The following LDB2 variants were observed in gnomAD, a reference collection of about 807,000 sequenced individuals.
The protein encoded by LDB2 is LIM domain binding 2.
LDB2 carries 12 observed loss-of-function variants against 44.3 expected under a neutral mutation model. That is an observed-to-expected ratio of 0.27 (90% CI 0.17 to 0.44). LDB2 has a LOEUF of 0.44. LDB2 is among the 20% of genes least tolerant of loss of function. The pLI, the probability that LDB2 is intolerant of heterozygous loss-of-function variation, is 1.00. For synonymous variants in LDB2, 164 were observed against 174.8 expected (o/e 0.94, Z 0.49); for missense variants, 344 against 473.5 (o/e 0.73, Z 2.54).
chr4:16,841,999 G>A (rs1359178067), intron 1 of LDB2, among the ~76,000 whole-genome samples: 1 of 152,164 alleles, frequency 6.6e-6, no homozygotes, highest in Non-Finnish European at 1.5e-5. Context: ...ATTCATTCTA[G>A]AAGTCTATAA....
At chr4:16,771,588 T>A (rs1019870175) in intron 1 of LDB2, among the ~76,000 whole-genome samples, 3 of 152,158 alleles carry the variant, frequency 2.0e-5, no homozygotes, top group Admixed American at 6.5e-5. Context: ...CTCTTCCATC[T>A]CCATAATATA....
At chr4:16,792,791 T>C (rs1199899421) in intron 1 of LDB2, among the ~76,000 whole-genome samples, 1 of 152,232 alleles carries the variant, frequency 6.6e-6, no homozygotes, top group African/African-American at 2.4e-5. Context: ...TGAAAATTCT[T>C]ACAGGAAGCT....
At chr4:16,516,919 G>A (rs1422585558) in intron 5 of LDB2, among the ~76,000 whole-genome samples, 4 of 152,210 alleles carry the variant, frequency 2.6e-5, no homozygotes, top group Non-Finnish European at 5.9e-5. Context: ...CCTTATTCAT[G>A]TATGCAAATG....
chr4:16,538,628 A>G (rs1234313770), intron 5 of LDB2, among the ~76,000 whole-genome samples: 3 of 152,180 alleles, frequency 2.0e-5, no homozygotes, highest in South Asian at 4.1e-4. Flanking sequence ...GTCAGTCAGT[A>G]TAAACTAGCT....
intron 2 of LDB2, among the ~76,000 whole-genome samples, chr4:16,624,577 G>A (rs1335178546): frequency 2.0e-5 from 3 of 152,070 alleles, no homozygotes; most frequent in East Asian, 3.8e-4. Context: ...ATATAAAAAA[G>A]ACTGAGGCTT....
chr4:16,700,669 T>C (rs1753235452), intron 2 of LDB2, among the ~76,000 whole-genome samples: 3 of 152,216 alleles, frequency 2.0e-5, no homozygotes, highest in Admixed American at 1.3e-4. Context: ...GCCATGGGAT[T>C]CTCTGACCAG....
intron 2 of LDB2, among the ~76,000 whole-genome samples, chr4:16,655,157 C>T (rs547126236): frequency 6.6e-6 from 1 of 152,212 alleles, no homozygotes; most frequent in Non-Finnish European, 1.5e-5. Flanking sequence ...TTAAAAGGGG[C>T]CATTCTGAGC....
chr4:16,743,085 T>A (rs1019130552), intron 2 of LDB2, among the ~76,000 whole-genome samples: 4 of 151,830 alleles, frequency 2.6e-5, no homozygotes, highest in Non-Finnish European at 5.9e-5. Context: ...AGGTCAGGAG[T>A]TCGAGACCAG....
chr4:16,637,069 A>G (rs1057468278), intron 2 of LDB2, among the ~76,000 whole-genome samples: 3 of 152,212 alleles, frequency 2.0e-5, no homozygotes, highest in Admixed American at 1.3e-4. Context: ...ATTTTGCTCT[A>G]GGAAAAACAA....
chr4:16,733,598 A>G (rs1471781308), intron 2 of LDB2, among the ~76,000 whole-genome samples: 1 of 152,214 alleles, frequency 6.6e-6, no homozygotes, highest in Non-Finnish European at 1.5e-5. Flanking sequence ...CTACAGGGAT[A>G]TCACAAAATA....
intron 2 of LDB2, among the ~76,000 whole-genome samples, chr4:16,727,620 G>A (rs902908806): frequency 6.6e-6 from 1 of 152,206 alleles, no homozygotes; most frequent in Non-Finnish European, 1.5e-5. Context: ...GCTTTGAAGA[G>A]AGGTACTTTA....
intron 2 of LDB2, among the ~76,000 whole-genome samples, chr4:16,708,164 G>GA (rs375109407): frequency 1.3e-5 from 2 of 151,744 alleles, no homozygotes; most frequent in East Asian, 1.9e-4. Context: ...AACTTTGGGG[G>GA]AAAAAAAAGT....
chr4:16,592,505 T>TATATATATATATATACACAC (rs757702164), intron 3 of LDB2, among the ~76,000 whole-genome samples: 11 of 108,054 alleles, frequency 1.0e-4, no homozygotes, highest in African/African-American at 4.2e-4. Context: ...TATATATATA[T>TATATATATATATATACACAC]ACACACACAC....
intron 1 of LDB2, among the ~76,000 whole-genome samples, chr4:16,894,869 T>C (rs550818725): frequency 3.3e-5 from 5 of 152,134 alleles, no homozygotes; most frequent in South Asian, 2.1e-4. Context: ...AAAACCAAAC[T>C]GGACCTTCAA....
intron 1 of LDB2, among the ~76,000 whole-genome samples, chr4:16,844,125 C>T (rs1786446540): frequency 6.7e-6 from 1 of 149,430 alleles, no homozygotes; most frequent in African/African-American, 2.5e-5. Flanking sequence ...GGCGTGGTGG[C>T]ACACTCCTAT....
At chr4:16,717,180 T>TG (rs1336861819) in intron 2 of LDB2, among the ~76,000 whole-genome samples, 40 of 130,250 alleles carry the variant, frequency 3.1e-4, no homozygotes, top group Admixed American at 2.1e-3. Flanking sequence ...ATAATAATAA[T>TG]AATAATAATG....
Position 16,561,823 on chromosome 4 carries a change from T to G in LDB2, c.615+24099A>C, listed in dbSNP as rs1244899357. Among the ~76,000 whole-genome samples the G allele has an allele frequency of 3.3e-5, 5 of 152,246 alleles. No homozygotes were observed. The South Asian group carries it at 1.0e-3, about 32-fold the overall frequency. ...CACGCTACCTGACTTCAAACTATAC[T>G]ACAGGCTACAGTAACCAAAACAGCA... is the stretch of plus-strand genomic sequence containing the variant. On this transcript the variant is annotated intron_variant, in intron 5 of 7. Transcript: ENST00000304523.
intron 5 of LDB2, among the ~76,000 whole-genome samples, chr4:16,561,220 C>A (rs1056647483): frequency 4.0e-5 from 6 of 151,876 alleles, no homozygotes; most frequent in Non-Finnish European, 4.4e-5. Flanking sequence ...CTGGCCAGGG[C>A]AATTAGGCAG....
At chr4:16,850,828 C>G (rs529497985) in intron 1 of LDB2, among the ~76,000 whole-genome samples, 4 of 152,204 alleles carry the variant, frequency 2.6e-5, no homozygotes, top group African/African-American at 9.6e-5. Context: ...AGTACCTGCT[C>G]AACATCCAAA....
Sources: gnomAD v4.1 joint callset for allele counts (sites outside exome capture counted in the v4.1 genomes callset) on GRCh38, gnomAD v4.1.1 for gene constraint, MANE v1.5 for transcripts, NCBI Gene and HGNC (gene_info 2026-07-23, HGNC 2026-07-21) for gene names.